SCARB2: variants seen among roughly 807,000 people sequenced by gnomAD.
SCARB2 encodes scavenger receptor class B member 2, also known as lysosome membrane protein 2.
In SCARB2, 29 loss-of-function variants were observed where a neutral mutation model predicts 58.6. The observed-to-expected ratio is 0.49, with a 90% confidence interval of 0.37 to 0.67. The LOEUF (loss-of-function observed/expected upper bound fraction) is 0.67. Among genes scored for constraint, SCARB2 ranks in the 30% least tolerant of loss-of-function variants. The pLI, the probability that SCARB2 is intolerant of heterozygous loss-of-function variation, is 0.00. For synonymous variants in SCARB2, 195 were observed against 210.1 expected, an observed-to-expected ratio of 0.93 and a Z score of 0.62; for missense variants, 488 against 578.5, an observed-to-expected ratio of 0.84 and a Z score of 1.60.
chr4:76,233,644 C>G (rs1359810180), intron 1 of SCARB2, among the ~76,000 whole-genome samples: 1 of 151,960 alleles, frequency 6.6e-6, no homozygotes, highest in Non-Finnish European at 1.5e-5. Flanking sequence ...ATATAACAGC[C>G]AGGCAGGAGA....
At chr4:76,173,882 T>C (rs182995177) in intron 7 of SCARB2, 67 of 447,288 alleles carry the variant, frequency 1.5e-4, no homozygotes, top group South Asian at 6.9e-4. Context: ...TTATGAAACA[T>C]TGTTCTTGAA....
At chr4:76,193,450 G>A (rs956708046) in intron 2 of SCARB2, 6 of 152,282 alleles carry the variant, frequency 3.9e-5, no homozygotes, top group African/African-American at 1.4e-4. Flanking sequence ...TGAGACACCA[G>A]AATGGTAGAG....
chr4:76,195,389 T>C, intron 2 of SCARB2: 1 of 223,484 alleles, frequency 4.5e-6, no homozygotes, highest in Non-Finnish European at 8.9e-6. Context: ...TAAAATAAAA[T>C]AAGAATATCA....
chr4:76,170,721 T>C (rs937585337), intron 7 of SCARB2, among the ~76,000 whole-genome samples: 2 of 151,838 alleles, frequency 1.3e-5, no homozygotes, highest in Admixed American at 6.6e-5. Context: ...CGTTTCACCA[T>C]GTTGGCAAGG....
intron 1 of SCARB2, among the ~76,000 whole-genome samples, chr4:76,212,866 C>A (rs1733085391): frequency 6.6e-6 from 1 of 152,194 alleles, no homozygotes; most frequent in Non-Finnish European, 1.5e-5. Context: ...GTACAAGATA[C>A]AAAGCCACTA....
At chr4:76,178,653 G>A (rs561784635) in intron 4 of SCARB2, among the ~76,000 whole-genome samples, 199 of 152,248 alleles carry the variant, frequency 1.3e-3, no homozygotes, top group African/African-American at 4.5e-3. Context: ...TCTGAGACAG[G>A]ACCCTCTAGG....
chr4:76,180,612 T>G (rs908510600), intron 3 of SCARB2: 1 of 157,820 alleles, frequency 6.3e-6, no homozygotes, highest in African/African-American at 2.4e-5. Context: ...AATTTCTGAA[T>G]GAAAACAAGG....
chr4:76,190,654 C>T (rs915174635), intron 2 of SCARB2, among the ~76,000 whole-genome samples: 25 of 152,118 alleles, frequency 1.6e-4, no homozygotes, highest in South Asian at 4.2e-4. Flanking sequence ...GCGTGGTGGC[C>T]GTGCCTGTAA....
intron 1 of SCARB2, among the ~76,000 whole-genome samples, chr4:76,233,433 T>C (rs896205066): frequency 4.6e-5 from 7 of 152,236 alleles, no homozygotes; most frequent in African/African-American, 1.7e-4. Context: ...CAATAATCTT[T>C]AAGGTTGCTT....
At chr4:76,177,339 T>TAAA (rs1208141818) in intron 4 of SCARB2, among the ~76,000 whole-genome samples, 1 of 137,170 alleles carries the variant, frequency 7.3e-6, no homozygotes, top group Non-Finnish European at 1.6e-5. Context: ...GGAGGGCAAT[T>TAAA]AAAAAAAAAA....
chr4:76,211,160 T>C (rs1733037929), intron 1 of SCARB2, among the ~76,000 whole-genome samples: 1 of 152,162 alleles, frequency 6.6e-6, no homozygotes, highest in South Asian at 2.1e-4. Flanking sequence ...TCCTGAAGCT[T>C]ATACAATTTG....
intron 2 of SCARB2, among the ~76,000 whole-genome samples, chr4:76,186,971 C>T (rs1263517823): frequency 6.6e-6 from 1 of 152,034 alleles, no homozygotes. Context: ...ACAATGATCA[C>T]GGTGTTCCTA....
chr4:76,194,707 T>C (rs995621571), intron 2 of SCARB2: 1 of 152,234 alleles, frequency 6.6e-6, no homozygotes, highest in African/African-American at 2.4e-5. Flanking sequence ...TCTATTAATT[T>C]GTTTTCTAAC....
intron 1 of SCARB2, among the ~76,000 whole-genome samples, chr4:76,208,834 A>G (rs1732983069): frequency 6.6e-6 from 1 of 152,210 alleles, no homozygotes; most frequent in Non-Finnish European, 1.5e-5. Context: ...CTGTAAGGAC[A>G]ATGTAGCATG....
intron 2 of SCARB2, chr4:76,184,862 A>G (rs1168115426): frequency 3.2e-6 from 1 of 316,356 alleles, no homozygotes; most frequent in African/African-American, 2.2e-5. Context: ...CAGACACATG[A>G]TGTGATGATC....
At chr4:76,227,698 G>A (rs765677217) in intron 1 of SCARB2, among the ~76,000 whole-genome samples, 1 of 152,002 alleles carries the variant, frequency 6.6e-6, no homozygotes, top group Non-Finnish European at 1.5e-5. Context: ...TTATAAATTT[G>A]GGAGCTCCAG....
rs542166397 is a variant in SCARB2, at chr4:76,225,018, C to A, written c.-358+9285G>T. On this transcript the variant is annotated intron_variant, in intron 1 of 11. Transcript: ENST00000638295. ...ATATGCATCCTCATAGCTTAGCTCCCACTTGTGAGAAGATACAATGTTTGG... is the reference window on the plus strand; with the variant it reads ...ATATGCATCCTCATAGCTTAGCTCCAACTTGTGAGAAGATACAATGTTTGG... Among the ~76,000 whole-genome samples the A allele has an allele frequency of 8.0e-4, 122 of 152,090 alleles. 1 individual carries two copies. The highest frequency in any genetic ancestry group is 2.1e-4 in the Non-Finnish European group (14 of 68,032).
At chr4:76,183,366 C>T (rs1408476784) in intron 2 of SCARB2, among the ~76,000 whole-genome samples, 5 of 152,214 alleles carry the variant, frequency 3.3e-5, no homozygotes, top group Non-Finnish European at 7.3e-5. Flanking sequence ...GGCTGTTTTA[C>T]CTGTGCTTCT....
At chr4:76,174,491 T>G in intron 6 of SCARB2, 178 bp from the exon 7 acceptor site, 3 of 629,792 alleles carry the variant, frequency 4.8e-6, no homozygotes, top group Admixed American at 2.4e-5. Flanking sequence ...GAAGATGAAT[T>G]GTAGTGGAAG....
Sources: gnomAD v4.1 joint callset for allele counts (sites outside exome capture counted in the v4.1 genomes callset) on GRCh38, gnomAD v4.1.1 for gene constraint, MANE v1.5 for transcripts, NCBI Gene and HGNC (gene_info 2026-07-23, HGNC 2026-07-21) for gene names.